ROCK2: variants seen among roughly 807,000 people sequenced by gnomAD.
ROCK2 encodes Rho associated coiled-coil containing protein kinase 2, also known as rho-associated protein kinase 2.
Under a neutral mutation model 195.1 loss-of-function variants are expected in ROCK2, and 61 were observed. That is an observed-to-expected ratio of 0.31 (90% CI 0.25 to 0.39). ROCK2 has a LOEUF of 0.39. Among genes scored for constraint, ROCK2 ranks in the 10% least tolerant of loss-of-function variants. The pLI, the probability that ROCK2 is intolerant of heterozygous loss-of-function variation, is 1.00. For missense variants in ROCK2, 1,109 were observed against 1,637.4 expected, an observed-to-expected ratio of 0.68 and a Z score of 5.57; for synonymous variants, 504 against 545.5, an observed-to-expected ratio of 0.92 and a Z score of 1.06.
Position 11,235,604 on chromosome 2 carries a change from A to T in ROCK2, c.723+98T>A. On this transcript the variant is annotated intron_variant, in intron 5 of 32. Transcript: ENST00000315872. The surrounding 1 kb of genome is among the most constrained non-coding windows in gnomAD (Gnocchi z 4.2). ...GGGTGCTATACAGTTATGAAAACTA[A>T]ATTTACCTTTGTTCAAAACTATGAA... The T allele has an allele frequency of 1.5e-6, 2 of 1,336,184 alleles. No homozygotes were observed. Among genetic ancestry groups the T allele is most frequent in the Non-Finnish European group, 2.1e-6 (2 of 973,676 alleles). The allele number at this position is 1,336,184 out of a possible 1,614,324, so 82.8% of individuals were successfully genotyped here.
At chr2:11,224,246 A>T (rs914011414) in intron 7 of ROCK2, 76 bp downstream of exon 7, 7 of 1,354,286 alleles carry the variant, frequency 5.2e-6, no homozygotes, top group Non-Finnish European at 7.1e-6. Flanking sequence ...TTCATATGTT[A>T]ATAAGCTAGG....
chr2:11,330,802 G>T (rs1572417216), intron 1 of ROCK2, among the ~76,000 whole-genome samples: 1 of 48,614 alleles, frequency 2.1e-5, no homozygotes, highest in African/African-American at 7.8e-5. Context: ...GAGGAGGGAG[G>T]AGAGAGGAGG....
At chr2:11,290,750 T>C (rs545888371) in intron 1 of ROCK2, among the ~76,000 whole-genome samples, 1 of 151,414 alleles carries the variant, frequency 6.6e-6, no homozygotes, top group East Asian at 1.9e-4. Flanking sequence ...CTAAATGAGG[T>C]GAGGAGTTAA....
Position 11,192,940 on chromosome 2 carries a change from G to C in ROCK2, c.3688-228C>G, listed in dbSNP as rs550399767. On this transcript the variant is annotated intron_variant, in intron 30 of 32. Coordinates refer to ENST00000315872, the MANE Select transcript of ROCK2 (RefSeq NM_004850.5). The surrounding 1 kb of genome is among the most constrained non-coding windows in gnomAD (Gnocchi z 5.0). ...TTTGCATTTCAAAAGAACTGATCCT[G>C]TTCAAATGCTGCCTCCTTATTTTCT... Among the ~76,000 whole-genome samples, 2 of 152,172 alleles carry C rather than the reference G, an allele frequency of 1.3e-5. No homozygotes were observed. The highest frequency in any genetic ancestry group is 2.9e-5 in the Non-Finnish European group (2 of 68,026).
At chr2:11,333,449 A>T (rs1251106254) in intron 1 of ROCK2, among the ~76,000 whole-genome samples, 1 of 152,212 alleles carries the variant, frequency 6.6e-6, no homozygotes, top group Non-Finnish European at 1.5e-5. Flanking sequence ...AAACTATCAC[A>T]GCTCTAAATT....
intron 3 of ROCK2, among the ~76,000 whole-genome samples, chr2:11,254,754 AAAG>A (rs1665960463): frequency 6.7e-6 from 1 of 148,340 alleles, no homozygotes; most frequent in African/African-American, 2.5e-5. Flanking sequence ...AAAAAAAAAA[AAAG>A]GTAGAGAAAC....
At chr2:11,185,446 T>C (rs914947421) in intron 32 of ROCK2, among the ~76,000 whole-genome samples, 2 of 152,232 alleles carry the variant, frequency 1.3e-5, no homozygotes, top group African/African-American at 4.8e-5. Context: ...AATAGCCACC[T>C]GGCCAGATGC....
chr2:11,244,740 G>A (rs746616500), intron 4 of ROCK2, among the ~76,000 whole-genome samples: 18 of 151,628 alleles, frequency 1.2e-4, no homozygotes, highest in Non-Finnish European at 2.4e-4. Flanking sequence ...ATACAGCCTG[G>A]GCAACAGAGT....
intron 1 of ROCK2, among the ~76,000 whole-genome samples, chr2:11,321,564 T>C (rs1327781334): frequency 1.3e-5 from 2 of 151,902 alleles, no homozygotes. Context: ...ACTGATTTTT[T>C]TTTAAAGACA....
At chr2:11,280,542 A>C (rs1180611383) in intron 3 of ROCK2, among the ~76,000 whole-genome samples, 1 of 151,702 alleles carries the variant, frequency 6.6e-6, no homozygotes, top group Non-Finnish European at 1.5e-5. Context: ...GGGTGGGAGG[A>C]TCACTTGAGC....
rs943180631 is a variant in ROCK2 at position 11,182,457 on chromosome 2, T to G, written c.*980A>C. The G allele has an allele frequency of 6.6e-6, 1 of 152,190 alleles. No individual in the cohort carries two copies. Among genetic ancestry groups the G allele is most frequent in the Non-Finnish European group, 1.5e-5 (1 of 68,016 alleles). 9.4% of individuals were successfully genotyped at this position (152,190 alleles called of 1,614,324 possible). A position where few individuals can be genotyped will look rare whatever the true frequency, so the allele number is the denominator to read the frequency against. On this transcript the variant is annotated 3_prime_UTR_variant, in exon 33 of 33. Transcript: ENST00000315872. ...AGGTCTGTAAAAAGAGTTGAATGAA[T>G]AATAGACAGACATCAAGGATATATT... is the stretch of plus-strand genomic sequence containing the variant.
At position 11,344,313 on chromosome 2, in the gene ROCK2, GCCCGCCCGGCCCAGCCCGGC is replaced by G. The variant is rs1429148366; in HGVS notation, c.-197_-178del. Reference sequence around the variant, plus strand: ...CCCCGCCTGGGGGCTGCTCCCAGGGGCCCGCCCGGCCCAGCCCGGCCCAGCCCGGCCCGGCCCTGCCGGGA... The same window carrying G: ...CCCCGCCTGGGGGCTGCTCCCAGGGGCCAGCCCGGCCCGGCCCTGCCGGGA... On this transcript the variant is annotated 5_prime_UTR_variant, in exon 1 of 33. Transcript: ENST00000315872. The surrounding 1 kb of genome is among the most constrained non-coding windows in gnomAD (Gnocchi z 5.4). 18 of 1,214,050 alleles carry G rather than the reference GCCCGCCCGGCCCAGCCCGGC, an allele frequency of 1.5e-5. No individual in the cohort carries two copies. The African/African-American group carries it at 1.6e-4, about 11-fold the overall frequency. 75.2% of individuals were successfully genotyped at this position (1,214,050 alleles called of 1,614,324 possible).
intron 3 of ROCK2, among the ~76,000 whole-genome samples, chr2:11,276,496 C>T (rs1666831164): frequency 6.6e-6 from 1 of 152,152 alleles, no homozygotes; most frequent in African/African-American, 2.4e-5. Flanking sequence ...CTACAAAACA[C>T]TGCTAAAAGG....
At chr2:11,318,836 C>A (rs1225142481) in intron 1 of ROCK2, among the ~76,000 whole-genome samples, 1 of 152,188 alleles carries the variant, frequency 6.6e-6, no homozygotes, top group Non-Finnish European at 1.5e-5. Context: ...AGCCAGTTCT[C>A]CCAGCACCAT....
chr2:11,342,644 C>T (rs923027671), intron 1 of ROCK2, among the ~76,000 whole-genome samples: 3 of 152,246 alleles, frequency 2.0e-5, no homozygotes, highest in African/African-American at 7.2e-5. Context: ...CCAGAGTCTC[C>T]GCTTTAGCCT....
intron 3 of ROCK2, among the ~76,000 whole-genome samples, chr2:11,278,138 T>C (rs557508556): frequency 1.1e-4 from 16 of 152,336 alleles, no homozygotes; most frequent in African/African-American, 3.6e-4. Flanking sequence ...TGAAAATACA[T>C]TATTAACTAC....
At chr2:11,303,782 A>G (rs898385347) in intron 1 of ROCK2, among the ~76,000 whole-genome samples, 1 of 151,998 alleles carries the variant, frequency 6.6e-6, no homozygotes, top group African/African-American at 2.4e-5. Context: ...AGCCATCATC[A>G]CACTCCTAAA....
At chr2:11,311,842 G>C (rs1260653200) in intron 1 of ROCK2, among the ~76,000 whole-genome samples, 2 of 152,154 alleles carry the variant, frequency 1.3e-5, no homozygotes, top group Non-Finnish European at 2.9e-5. Context: ...CTATTAATAT[G>C]TTTGAGATAT....
intron 3 of ROCK2, among the ~76,000 whole-genome samples, chr2:11,259,869 A>G (rs1666164093): frequency 6.6e-6 from 1 of 151,408 alleles, no homozygotes; most frequent in South Asian, 2.1e-4. Flanking sequence ...GCTTACATCC[A>G]TCTTTTATAT....
Sources: allele counts gnomAD v4.1 joint callset (sites outside exome capture counted in the v4.1 genomes callset), GRCh38; gene constraint gnomAD v4.1.1; non-coding constraint Gnocchi (gnomAD v3.1); transcripts MANE v1.5; gene names NCBI Gene and HGNC (gene_info 2026-07-23, HGNC 2026-07-21).